RYR3: variants seen among roughly 807,000 people sequenced by gnomAD.
RYR3 encodes ryanodine receptor 3, also known as brain ryanodine receptor-calcium release channel.
In RYR3, 207 loss-of-function variants were observed where a neutral mutation model predicts 584.3. The observed-to-expected ratio is 0.35, with a 90% confidence interval of 0.32 to 0.40. RYR3 has a LOEUF of 0.40. RYR3 is among the 10% of genes least tolerant of loss of function. RYR3 has a pLI of 1.00. For missense variants in RYR3, 5,616 were observed against 6,089.2 expected (o/e 0.92, Z 2.59); for synonymous variants, 2,416 against 2,248.5 (o/e 1.07, Z -2.11).
At chr15:33,633,897 A>G (rs1272583051) in intron 24 of RYR3, among the ~76,000 whole-genome samples, 1 of 152,228 alleles carries the variant, frequency 6.6e-6, no homozygotes, top group Non-Finnish European at 1.5e-5. Flanking sequence ...AGCTGTCATG[A>G]GGAGGCTATA....
chr15:33,611,655 AT>A (rs1369041539), intron 18 of RYR3, among the ~76,000 whole-genome samples: 1 of 151,576 alleles, frequency 6.6e-6, no homozygotes, highest in African/African-American at 2.4e-5. Flanking sequence ...ATGGAGTTAT[AT>A]TTTTTCTTTT....
chr15:33,754,389 T>G (rs1199445824), intron 57 of RYR3, among the ~76,000 whole-genome samples: 1 of 152,216 alleles, frequency 6.6e-6, no homozygotes, highest in Non-Finnish European at 1.5e-5. Context: ...CGTACATGAT[T>G]GTCCCCACTT....
intron 1 of RYR3, among the ~76,000 whole-genome samples, chr15:33,381,376 T>C (rs1009184087): frequency 6.6e-6 from 1 of 152,074 alleles, no homozygotes; most frequent in Non-Finnish European, 1.5e-5. Flanking sequence ...TTATTTTGCT[T>C]ACTGCTGTGT....
At chr15:33,630,767 A>G (rs1595894624) in intron 22 of RYR3, among the ~76,000 whole-genome samples, 1 of 152,212 alleles carries the variant, frequency 6.6e-6, no homozygotes, top group African/African-American at 2.4e-5. Flanking sequence ...TATCTGTTCC[A>G]TGGAATTCGA....
intron 16 of RYR3, among the ~76,000 whole-genome samples, chr15:33,589,422 T>C (rs752875668): frequency 6.6e-6 from 1 of 152,244 alleles, no homozygotes; most frequent in Non-Finnish European, 1.5e-5. Flanking sequence ...CTGTTCACTC[T>C]ATTGATTATT....
chr15:33,473,300 A>G, intron 1 of RYR3, 119 bp from the exon 2 acceptor site: 2 of 1,202,404 alleles, frequency 1.7e-6, no homozygotes, highest in Non-Finnish European at 2.4e-6. Flanking sequence ...AAAAATAAAA[A>G]CAAAAAGCAC....
At chr15:33,828,581 A>C (rs2077495825) in intron 85 of RYR3, among the ~76,000 whole-genome samples, 1 of 152,214 alleles carries the variant, frequency 6.6e-6, no homozygotes, top group Non-Finnish European at 1.5e-5. Flanking sequence ...GGTCTGGATA[A>C]AAGGTCAAAC....
At chr15:33,495,827 G>T (rs977385735) in intron 2 of RYR3, among the ~76,000 whole-genome samples, 2 of 152,194 alleles carry the variant, frequency 1.3e-5, no homozygotes, top group Admixed American at 1.3e-4. Context: ...ATAAAATCTG[G>T]TTAAGATGAG....
chr15:33,529,023 A>G (rs1370847987), intron 3 of RYR3, among the ~76,000 whole-genome samples: 1 of 152,252 alleles, frequency 6.6e-6, no homozygotes, highest in East Asian at 1.9e-4. Context: ...TTGTAATAAT[A>G]TAAGTGGATA....
intron 1 of RYR3, among the ~76,000 whole-genome samples, chr15:33,380,930 T>C (rs961097213): frequency 6.6e-6 from 1 of 152,250 alleles, no homozygotes; most frequent in Admixed American, 6.5e-5. Context: ...TATTCTTGGT[T>C]TATCACATCT....
chr15:33,490,846 G>T lies in RYR3; in HGVS notation c.172-12785G>T, dbSNP rs28626331. Among the ~76,000 whole-genome samples, 290 of 151,844 alleles carry T rather than the reference G, an allele frequency of 1.9e-3. 1 individual carries two copies. The highest frequency in any genetic ancestry group is 6.5e-3 in the African/African-American group (271 of 41,404). Reference sequence around the variant, plus strand: ...ATTTTTGACTTGAAAAATGAGCCCTGTGGTTTTGCTCACTACTCAATTTCC... The same window carrying T: ...ATTTTTGACTTGAAAAATGAGCCCTTTGGTTTTGCTCACTACTCAATTTCC... On this transcript the variant is annotated intron_variant, in intron 2 of 103. Coordinates refer to ENST00000634891, the MANE Select transcript of RYR3 (RefSeq NM_001036.6).
At chr15:33,544,019 C>A (rs755780777) in intron 8 of RYR3, among the ~76,000 whole-genome samples, 1 of 152,120 alleles carries the variant, frequency 6.6e-6, no homozygotes, top group Non-Finnish European at 1.5e-5. Context: ...ATCTCTATTT[C>A]CATTTCATGT....
intron 80 of RYR3, 129 bp from the exon 81 acceptor site, chr15:33,822,867 T>C: frequency 1.6e-6 from 1 of 630,476 alleles, no homozygotes; most frequent in Non-Finnish European, 2.7e-6. Flanking sequence ...ATCTACCCCA[T>C]GGGACTCTGA....
chr15:33,560,924 T>C (rs1354644958), intron 10 of RYR3, among the ~76,000 whole-genome samples: 1 of 152,196 alleles, frequency 6.6e-6, no homozygotes, highest in Non-Finnish European at 1.5e-5. Flanking sequence ...AAATAAGTCA[T>C]ATTTAATAAT....
intron 65 of RYR3, among the ~76,000 whole-genome samples, chr15:33,782,768 G>A (rs1248739761): frequency 6.6e-6 from 1 of 152,176 alleles, no homozygotes; most frequent in Non-Finnish European, 1.5e-5. Flanking sequence ...TGCTTTGCCA[G>A]CAGAATTACT....
chr15:33,778,401 G>GA (rs772162765), intron 64 of RYR3, among the ~76,000 whole-genome samples: 3 of 152,092 alleles, frequency 2.0e-5, no homozygotes, highest in Non-Finnish European at 4.4e-5. Context: ...ACTCTTAGCT[G>GA]AAAAAAATTG....
chr15:33,455,143 A>ACTTCCAG (rs1027814919), intron 1 of RYR3, among the ~76,000 whole-genome samples: 29 of 152,278 alleles, frequency 1.9e-4, no homozygotes, highest in Middle Eastern at 3.4e-3. Context: ...GCTGTGGATG[A>ACTTCCAG]CTTCCAGGTC....
chr15:33,684,044 C>G (rs374536539), intron 38 of RYR3, among the ~76,000 whole-genome samples: 6 of 152,270 alleles, frequency 3.9e-5, no homozygotes, highest in Non-Finnish European at 8.8e-5. Flanking sequence ...TACACTCCAC[C>G]TCTGTGAGCA....
At chr15:33,361,476 A>G (rs35034805) in intron 1 of RYR3, among the ~76,000 whole-genome samples, 4,932 of 152,280 alleles carry the variant, frequency 0.032, 256 homozygotes, top group African/African-American at 0.11. Context: ...AGGATAAAGG[A>G]AGAGAATGAG....
Sources: gnomAD v4.1 joint callset for allele counts (sites outside exome capture counted in the v4.1 genomes callset) on GRCh38, gnomAD v4.1.1 for gene constraint, MANE v1.5 for transcripts, NCBI Gene and HGNC (gene_info 2026-07-23, HGNC 2026-07-21) for gene names.